The following SGK1 variants were observed in gnomAD, a reference collection of about 807,000 sequenced individuals.
SGK1 encodes the protein serum/glucocorticoid regulated kinase 1, also known as serine/threonine-protein kinase Sgk1.
Under a neutral mutation model 64.2 loss-of-function variants are expected in SGK1, and 26 were observed. The ratio of observed to expected loss-of-function variants is 0.40; its 90% CI spans 0.30 to 0.56. SGK1 has a LOEUF of 0.56. Ranked by LOEUF, SGK1 falls within the 20% of genes least tolerant of loss-of-function variation. SGK1 has a pLI of 0.38. For synonymous variants in SGK1, 265 were observed against 239.7 expected (o/e 1.11, Z -0.98); for missense variants, 519 against 645.6 (o/e 0.80, Z 2.12).
At chr6:134,214,389 G>A (rs1218405088) in intron 2 of SGK1, among the ~76,000 whole-genome samples, 6 of 152,110 alleles carry the variant, frequency 3.9e-5, no homozygotes, top group Admixed American at 1.3e-4. Flanking sequence ...TCAGGCGTTC[G>A]AGACCAGCCT....
chr6:134,174,932 A>C, intron 3 of SGK1: 1 of 1,508,614 alleles, frequency 6.6e-7, no homozygotes, highest in Non-Finnish European at 8.8e-7. Flanking sequence ...CGCGACAGTG[A>C]GAAGTGGCCC....
rs996766381 is a variant in SGK1, at chr6:134,292,319, G to A, written c.69+25073C>T. 5.3e-5 allele frequency among the ~76,000 whole-genome samples: 8 copies of A among 152,206 alleles called. No homozygotes were observed. In the South Asian group the frequency reaches 8.3e-4, roughly 16 times the overall value. On this transcript the variant is annotated intron_variant, in intron 1 of 13. Transcript: ENST00000367858. ...TGAAATGAAGCCCAGGGGGCCGGGC[G>A]CGGTGGCTCATGCCTGTAATCCCAA...
intron 1 of SGK1, among the ~76,000 whole-genome samples, chr6:134,276,455 A>T (rs1024103416): frequency 3.3e-5 from 5 of 152,184 alleles, no homozygotes; most frequent in African/African-American, 1.2e-4. Flanking sequence ...CCTTGGGGTG[A>T]GTATGTGTGG....
intron 1 of SGK1, among the ~76,000 whole-genome samples, chr6:134,286,105 C>T (rs530467112): frequency 6.6e-6 from 1 of 152,224 alleles, no homozygotes; most frequent in Non-Finnish European, 1.5e-5. Context: ...CGTTAGTAAC[C>T]TGTTTTGGCT....
At chr6:134,236,420 A>G (rs1776365557) in intron 2 of SGK1, among the ~76,000 whole-genome samples, 1 of 152,148 alleles carries the variant, frequency 6.6e-6, no homozygotes, top group East Asian at 1.9e-4. Flanking sequence ...TGAGCCCAGG[A>G]GTTCAAGACC....
intron 2 of SGK1, among the ~76,000 whole-genome samples, chr6:134,228,834 A>AGTT (rs1776228820): frequency 1.4e-5 from 2 of 143,394 alleles, no homozygotes; most frequent in Admixed American, 7.1e-5. Flanking sequence ...CAGGTCTTGT[A>AGTT]GTTGTTCTTT....
rs1562237727 is a variant in SGK1, at chr6:134,173,056, C to T, written c.801G>A (p.Leu267=). ...LHFSFQTADK[L]YFVLDYINGG... ...CATTAATGTAGTCTAGGACAAAGTA[C>T]AATTTGTCAGCAGTCTGGAAAGAGA... The change falls in exon 8 of 14, where the codon TTG becomes TTA. Residue 267 remains leucine, a synonymous_variant. Coordinates refer to ENST00000367858, the MANE Select transcript of SGK1 (RefSeq NM_001143676.3). 6.2e-7 allele frequency: 1 copy of T among 1,613,952 alleles called. No individual in the cohort carries two copies. Among genetic ancestry groups the T allele is most frequent in the African/African-American group, 1.3e-5 (1 of 75,028 alleles).
At position 134,174,534 on chromosome 6, in the gene SGK1, G is replaced by A. The variant is rs1775148130; in HGVS notation, c.414C>T (p.Ala138=). 1.2e-6 allele frequency: 2 copies of A among 1,613,386 alleles called. No homozygotes were observed. The highest frequency in any genetic ancestry group is 1.7e-6 in the Non-Finnish European group (2 of 1,179,342). Residue 138 remains alanine (A), a synonymous_variant, in exon 4 of 14, where the codon GCC becomes GCT. Coordinates refer to ENST00000367858, the MANE Select transcript of SGK1 (RefSeq NM_001143676.3). ...ACTGTTTGCATGCATAGGAGTTATT[G>A]GCAATCTTCTGAATAAAGTCGTTCA... ...MGLNDFIQKI[A]NNSYACKHPE...
At chr6:134,247,544 A>C (rs1352537729) in intron 2 of SGK1, among the ~76,000 whole-genome samples, 2 of 152,228 alleles carry the variant, frequency 1.3e-5, no homozygotes, top group Non-Finnish European at 2.9e-5. Context: ...GGAGGAAATA[A>C]ACCCTATGAG....
intron 2 of SGK1, among the ~76,000 whole-genome samples, chr6:134,218,382 AACAG>A (rs992515819): frequency 2.0e-5 from 3 of 152,082 alleles, no homozygotes; most frequent in Non-Finnish European, 2.9e-5. Context: ...CATAGGTGTG[AACAG>A]ACAGACAGAT....
chr6:134,200,155 A>G (rs538065545), intron 3 of SGK1, among the ~76,000 whole-genome samples: 34 of 152,372 alleles, frequency 2.2e-4, no homozygotes, highest in African/African-American at 7.9e-4. Flanking sequence ...AAAAACAAAG[A>G]TAACAGGAAA....
At chr6:134,182,510 G>C (rs1378534091) in intron 3 of SGK1, among the ~76,000 whole-genome samples, 1 of 151,000 alleles carries the variant, frequency 6.6e-6, no homozygotes, top group Admixed American at 6.6e-5. Context: ...AAAAAAAAAG[G>C]AAATAAAGAA....
rs766509532 is a variant in SGK1 at position 134,170,879 on chromosome 6, T to A, written c.1360A>T (p.Asn454Tyr). 1 of 1,612,152 alleles carries A rather than the reference T, an allele frequency of 6.2e-7. No homozygotes were observed. The highest frequency in any genetic ancestry group is 8.5e-7 in the Non-Finnish European group (1 of 1,178,224). The change falls in exon 13 of 14, where the codon AAC becomes TAC. Residue 454 changes from asparagine (N) to tyrosine (Y), a missense_variant. By Grantham distance (143) the Asn-to-Tyr change is moderately radical (BLOSUM62 -2). Transcript: ENST00000367858. ...TTCTTATTAATGAGATCATCCCAGT[T>A]AATTAAGGAGAAGAAGACATGACTC... ...IKSHVFFSLI[N>Y]WDDLINKKIT...
At chr6:134,298,172 A>G in intron 1 of SGK1, 4 of 1,369,552 alleles carry the variant, frequency 2.9e-6, no homozygotes, top group Non-Finnish European at 4.2e-6. Context: ...AAGCTTATTG[A>G]TCTCATCCTC....
intron 3 of SGK1, among the ~76,000 whole-genome samples, chr6:134,200,353 AG>A (rs1462841201): frequency 8.5e-5 from 13 of 152,334 alleles, no homozygotes; most frequent in Admixed American, 8.5e-4. Flanking sequence ...ATGATAAAAA[AG>A]AAAGACTTAA....
At chr6:134,181,384 G>T (rs563726432) in intron 3 of SGK1, among the ~76,000 whole-genome samples, 3 of 151,526 alleles carry the variant, frequency 2.0e-5, no homozygotes, top group Admixed American at 6.6e-5. Flanking sequence ...TTACTCTGTC[G>T]CCCAGACTGG....
At chr6:134,315,263 A>T (rs992279922) in intron 1 of SGK1, among the ~76,000 whole-genome samples, 13 of 152,230 alleles carry the variant, frequency 8.5e-5, no homozygotes, top group African/African-American at 3.1e-4. Flanking sequence ...ATACAAGGTC[A>T]CCTTCTACTT....
At chr6:134,191,835 A>ATTCTTTTTTTTTTT (rs1775516636) in intron 3 of SGK1, among the ~76,000 whole-genome samples, 1 of 61,204 alleles carries the variant, frequency 1.6e-5, no homozygotes, top group Non-Finnish European at 2.9e-5. Context: ...CGCCCGGCTG[A>ATTCTTTTTTTTTTT]TTTTTTTTTT....
intron 1 of SGK1, among the ~76,000 whole-genome samples, chr6:134,266,076 C>T (rs1310244122): frequency 7.2e-5 from 11 of 152,192 alleles, no homozygotes; most frequent in African/African-American, 2.4e-4. Flanking sequence ...CTCCTCCTCC[C>T]TGGTTCAAGT....
Sources: allele counts gnomAD v4.1 joint callset (sites outside exome capture counted in the v4.1 genomes callset), GRCh38; gene constraint gnomAD v4.1.1; transcripts MANE v1.5; gene names NCBI Gene and HGNC (gene_info 2026-07-23, HGNC 2026-07-21).